Variants in PDE4D observed in about 807,000 individuals in gnomAD.
PDE4D encodes phosphodiesterase 4D.
In PDE4D, 24 loss-of-function variants were observed where a neutral mutation model predicts 87.4. The observed-to-expected ratio is 0.27, with a 90% CI of 0.20 to 0.39. The LOEUF is 0.39. Among genes scored for constraint, PDE4D ranks in the 10% least tolerant of loss-of-function variants. The pLI, the probability that PDE4D is intolerant of heterozygous loss-of-function variation, is 1.00. For synonymous variants in PDE4D, 384 were observed against 383.2 expected (o/e 1.00, Z -0.02); for missense variants, 714 against 1,041.0 (o/e 0.69, Z 4.32).
At position 59,363,881 on chromosome 5, in the gene PDE4D, G is replaced by T. The variant is rs185173800; in HGVS notation, c.456-147913C>A. On this transcript the variant is annotated intron_variant, in intron 1 of 14. Transcript: ENST00000340635. ...TCAACTGTGGTAACTAGAGAGAGAG[G>T]AGGCCTAGAGTATAGTTCAGCTTGA... 2.6e-5 allele frequency among the ~76,000 whole-genome samples: 4 copies of T among 152,214 alleles called. No homozygotes were observed. In the East Asian group the frequency reaches 7.8e-4, roughly 29 times the overall value.
At chr5:60,494,862 G>A (rs1219068417) in intron 1 of PDE4D, among the ~76,000 whole-genome samples, 4 of 152,130 alleles carry the variant, frequency 2.6e-5, no homozygotes, top group Admixed American at 2.6e-4. Flanking sequence ...TGGGCCCTAG[G>A]GAATCACACC....
chr5:59,309,090 A>G, intron 1 of PDE4D, among the ~76,000 whole-genome samples: 1 of 151,672 alleles, frequency 6.6e-6, no homozygotes, highest in East Asian at 1.9e-4. Flanking sequence ...GGCTAGTCTC[A>G]CTCTCACTGT....
intron 1 of PDE4D, among the ~76,000 whole-genome samples, chr5:59,311,499 C>CAAAAAAAAAAAAAAAAAAA (rs35020719): frequency 2.3e-5 from 1 of 43,356 alleles, no homozygotes; most frequent in African/African-American, 9.4e-5. Flanking sequence ...GACTCTGTCT[C>CAAAAAAAAAAAAAAAAAAA]AAAAAAAAAA....
chr5:60,187,694 T>C (rs1264502964), intron 1 of PDE4D, among the ~76,000 whole-genome samples: 4 of 152,108 alleles, frequency 2.6e-5, no homozygotes, highest in Admixed American at 2.0e-4. Context: ...TTAGAGAAAT[T>C]TCAATAGGCA....
intron 1 of PDE4D, among the ~76,000 whole-genome samples, chr5:59,540,253 A>AT (rs1014970674): frequency 3.9e-5 from 6 of 151,974 alleles, no homozygotes; most frequent in South Asian, 4.2e-4. Flanking sequence ...TCTTTCTTTC[A>AT]TTTTTTTTGG....
intron 1 of PDE4D, among the ~76,000 whole-genome samples, chr5:60,446,820 C>T (rs1304873115): frequency 6.6e-6 from 1 of 152,102 alleles, no homozygotes; most frequent in Non-Finnish European, 1.5e-5. Context: ...ATACTGGCCT[C>T]TTCAACCTAA....
chr5:59,702,676 C>G (rs1459679116), intron 1 of PDE4D, among the ~76,000 whole-genome samples: 5 of 151,782 alleles, frequency 3.3e-5, no homozygotes, highest in Non-Finnish European at 5.9e-5. Flanking sequence ...TGTGACCAGC[C>G]TGGGCAACAT....
At chr5:59,109,577 T>A (rs1772260323) in intron 5 of PDE4D, among the ~76,000 whole-genome samples, 1 of 152,194 alleles carries the variant, frequency 6.6e-6, no homozygotes, top group African/African-American at 2.4e-5. Flanking sequence ...GAAGCTGGGC[T>A]GACACTCCGC....
chr5:59,247,836 T>G (rs1174487866), intron 1 of PDE4D, among the ~76,000 whole-genome samples: 1 of 151,858 alleles, frequency 6.6e-6, no homozygotes, highest in Non-Finnish European at 1.5e-5. Context: ...AACATACGTC[T>G]TATCTCTGAT....
At chr5:60,051,788 C>A (rs1490208217) in intron 2 of PDE4D, among the ~76,000 whole-genome samples, 1 of 151,536 alleles carries the variant, frequency 6.6e-6, no homozygotes, top group Non-Finnish European at 1.5e-5. Context: ...ATAGATAGAC[C>A]ACTAGCCAGA....
intron 5 of PDE4D, among the ~76,000 whole-genome samples, chr5:59,077,797 C>T (rs1765966152): frequency 6.6e-6 from 1 of 152,138 alleles, no homozygotes; most frequent in South Asian, 2.1e-4. Flanking sequence ...CTCCTTTCTC[C>T]CCCACTCCAA....
intron 2 of PDE4D, among the ~76,000 whole-genome samples, chr5:60,054,688 ATAAGT>A (rs1158037047): frequency 6.6e-6 from 1 of 151,980 alleles, no homozygotes; most frequent in African/African-American, 2.4e-5. Flanking sequence ...ATAAAAAAAA[ATAAGT>A]TAATTATAAA....
intron 1 of PDE4D, among the ~76,000 whole-genome samples, chr5:59,688,160 C>T (rs1050212588): frequency 4.6e-5 from 7 of 152,096 alleles, no homozygotes; most frequent in Non-Finnish European, 8.8e-5. Flanking sequence ...GATAGATCAA[C>T]GAGACAGAAA....
intron 1 of PDE4D, among the ~76,000 whole-genome samples, chr5:60,319,035 T>C (rs1034576989): frequency 3.3e-5 from 5 of 152,250 alleles, no homozygotes; most frequent in African/African-American, 9.6e-5. Flanking sequence ...TTGGCCTGCC[T>C]TGCTAAATTG....
intron 2 of PDE4D, among the ~76,000 whole-genome samples, chr5:60,170,807 A>G (rs1783358154): frequency 6.6e-6 from 1 of 152,042 alleles, no homozygotes; most frequent in South Asian, 2.1e-4. Context: ...TATATCTCTG[A>G]CTCTTTAATT....
intron 1 of PDE4D, among the ~76,000 whole-genome samples, chr5:59,300,889 T>C (rs1770105285): frequency 6.6e-6 from 1 of 152,172 alleles, no homozygotes; most frequent in African/African-American, 2.4e-5. Context: ...TTGGGTTCAA[T>C]TAATTTGCTG....
At chr5:59,204,445 CTA>C (rs1748281316) in intron 2 of PDE4D, among the ~76,000 whole-genome samples, 1 of 152,158 alleles carries the variant, frequency 6.6e-6, no homozygotes, top group Admixed American at 6.5e-5. Flanking sequence ...GGCACAAAGA[CTA>C]TCTCTGTTAG....
intron 1 of PDE4D, among the ~76,000 whole-genome samples, chr5:60,371,406 C>A (rs1315278111): frequency 6.6e-6 from 1 of 152,176 alleles, no homozygotes; most frequent in Admixed American, 6.5e-5. Flanking sequence ...CTCCCTTTAC[C>A]CAATATAATC....
intron 1 of PDE4D, among the ~76,000 whole-genome samples, chr5:59,434,749 C>T (rs1562182203): frequency 6.6e-6 from 1 of 152,084 alleles, no homozygotes; most frequent in South Asian, 2.1e-4. Flanking sequence ...TTCTTATATT[C>T]CCTAGTACTG....
Sources: allele counts gnomAD v4.1 joint callset (sites outside exome capture counted in the v4.1 genomes callset), GRCh38; gene constraint gnomAD v4.1.1; transcripts MANE v1.5; gene names NCBI Gene and HGNC (gene_info 2026-07-23, HGNC 2026-07-21).